Variants in APC observed in about 807,000 individuals in gnomAD.
APC encodes the protein adenomatous polyposis coli protein.
In APC, 72 loss-of-function variants were observed where a neutral mutation model predicts 247.0. That is an observed-to-expected ratio of 0.29 (90% CI 0.24 to 0.35). The LOEUF (loss-of-function observed/expected upper bound fraction) is 0.35. Among genes scored for constraint, APC ranks in the 10% least tolerant of loss-of-function variants. The pLI, the probability that APC is intolerant of heterozygous loss-of-function variation, is 1.00. For synonymous variants in APC, 1,254 were observed against 1,162.5 expected (o/e 1.08, Z -1.60); for missense variants, 3,400 against 3,360.7 (o/e 1.01, Z -0.29).
intron 14 of APC, among the ~76,000 whole-genome samples, chr5:112,831,324 G>C (rs1487944163): frequency 6.6e-6 from 1 of 152,094 alleles, no homozygotes; most frequent in Non-Finnish European, 1.5e-5. Flanking sequence ...GGCCAGGATG[G>C]TCTTCATCTC....
At chr5:112,827,788 A>T in intron 12 of APC, 141 bp from the exon 13 acceptor site, 1 of 699,380 alleles carries the variant, frequency 1.4e-6, no homozygotes, top group Non-Finnish European at 2.5e-6. Flanking sequence ...AGGTAATCTT[A>T]TTCTAGATTT....
chr5:112,781,064 A>G lies in APC; in HGVS notation c.645+161A>G, dbSNP rs540883294. On this transcript the variant is annotated intron_variant, in intron 6 of 15. Transcript: ENST00000257430. ...TTTATCATGGCTGCTGAGCAACATA[A>G]TCAATATTCACATAGTTGTGTCTTT... Among the ~76,000 whole-genome samples the G allele has an allele frequency of 4.6e-5, 7 of 152,328 alleles. No individual in the cohort carries two copies. The South Asian group carries it at 1.2e-3, about 27-fold the overall frequency.
chr5:112,774,205 T>C (rs113134288), intron 4 of APC, among the ~76,000 whole-genome samples: 113 of 152,304 alleles, frequency 7.4e-4, no homozygotes, highest in African/African-American at 2.5e-3. Flanking sequence ...TAGGGAATTC[T>C]TGGAATATTA....
chr5:112,819,448 G>T (rs375342838), intron 10 of APC, 104 bp downstream of exon 10: 1 of 1,437,850 alleles, frequency 7.0e-7, no homozygotes, highest in Non-Finnish European at 9.7e-7. Flanking sequence ...TGACTAAGAG[G>T]AGAAAATTCA....
chr5:112,788,378 A>T (rs551384403), intron 6 of APC, among the ~76,000 whole-genome samples: 31 of 152,278 alleles, frequency 2.0e-4, no homozygotes, highest in African/African-American at 6.0e-4. Flanking sequence ...CCTTCATAAT[A>T]TTTAGTCTTG....
chr5:112,761,041 C>T (rs951535316), intron 2 of APC, among the ~76,000 whole-genome samples: 2 of 152,090 alleles, frequency 1.3e-5, no homozygotes, highest in African/African-American at 4.8e-5. Context: ...GATCTCCTGA[C>T]CTCGTGATCC....
At chr5:112,756,029 T>G (rs1375770200) in intron 2 of APC, among the ~76,000 whole-genome samples, 1 of 152,190 alleles carries the variant, frequency 6.6e-6, no homozygotes, top group Admixed American at 6.5e-5. Flanking sequence ...TTTTAACATT[T>G]GAGTTCCTGG....
At chr5:112,734,782 T>C (rs1268900967), upstream of APC, among the ~76,000 whole-genome samples, 1 of 117,126 alleles carries the variant, frequency 8.5e-6, no homozygotes, top group African/African-American at 2.6e-5. Context: ...TTTTCTTGTG[T>C]GTGTGTGTGT....
intron 11 of APC, among the ~76,000 whole-genome samples, chr5:112,822,280 T>C (rs1763226862): frequency 1.3e-5 from 2 of 152,160 alleles, no homozygotes; most frequent in Admixed American, 1.3e-4. Context: ...TCTTTGTCCC[T>C]TTTGCCAAAG....
At chr5:112,778,419 T>C (rs1428365417) in intron 5 of APC, 2 of 151,170 alleles carry the variant, frequency 1.3e-5, no homozygotes, top group Non-Finnish European at 2.9e-5. Context: ...GAGTTTAGCA[T>C]GGCCCTTGCT....
At chr5:112,720,839 A>T (rs1045407191) in intron 1 of APC, among the ~76,000 whole-genome samples, 18 of 152,194 alleles carry the variant, frequency 1.2e-4, no homozygotes, top group Non-Finnish European at 1.5e-5. Flanking sequence ...CTCTATAATA[A>T]GCTGCTCTGG....
At position 112,835,166 on chromosome 5, in the gene APC, G is replaced by GTA. The variant is rs780148667; in HGVS notation, c.1958+8_1958+9dup. The stretch of plus-strand genomic sequence containing the variant: ...TGATAGCTACAAATGAGGACCACAG[G>GTA]TATATATAGAGTTTTATATTACTTT... On this transcript the variant is annotated splice_donor_variant, in intron 15 of 15. Coordinates refer to ENST00000257430, the MANE Select transcript of APC (RefSeq NM_000038.6). LOFTEE classifies it high-confidence loss of function. 1 of 1,610,704 alleles carries GTA rather than the reference G, an allele frequency of 6.2e-7. No homozygotes were observed. The highest frequency in any genetic ancestry group is 1.7e-5 in the Admixed American group (1 of 59,896).
intron 1 of APC, among the ~76,000 whole-genome samples, chr5:112,732,369 G>GA (rs1189003196): frequency 6.6e-6 from 1 of 152,146 alleles, no homozygotes; most frequent in Non-Finnish European, 1.5e-5. Flanking sequence ...AAGCTCCTCG[G>GA]AGTACTAAAG....
At position 112,794,616 on chromosome 5, in the gene APC, C is replaced by T. The variant is rs372224275; in HGVS notation, c.729+2087C>T. Among the ~76,000 whole-genome samples the T allele has an allele frequency of 1.4e-3, 211 of 152,274 alleles. 3 individuals are homozygous for T. Among genetic ancestry groups the T allele is most frequent in the African/African-American group, 4.9e-3 (205 of 41,544 alleles). Reference sequence around the variant, plus strand: ...GCCAAGCTGTCTATAAATTCCACCCCGTGTGCGTGTGCTGTGGTACCATTC... The same window carrying T: ...GCCAAGCTGTCTATAAATTCCACCCTGTGTGCGTGTGCTGTGGTACCATTC... On this transcript the variant is annotated intron_variant, in intron 7 of 15. Transcript: ENST00000257430.
chr5:112,766,495 C>T (rs1051770269), intron 3 of APC, 85 bp downstream of exon 3: 6 of 874,558 alleles, frequency 6.9e-6, no homozygotes, highest in Non-Finnish European at 1.1e-5. Context: ...CAGCTTCTCT[C>T]GATTTGGGTG....
At chr5:112,806,028 A>G (rs1202199655) in intron 8 of APC, among the ~76,000 whole-genome samples, 1 of 152,098 alleles carries the variant, frequency 6.6e-6, no homozygotes, top group Non-Finnish European at 1.5e-5. Context: ...TTCTCTCAGT[A>G]CCTCATATTT....
At chr5:112,766,781 G>C (rs1936199935) in intron 3 of APC, among the ~76,000 whole-genome samples, 1 of 152,110 alleles carries the variant, frequency 6.6e-6, no homozygotes, top group Admixed American at 6.5e-5. Flanking sequence ...ATTCAGGATA[G>C]AAATACTTTA....
At chr5:112,825,295 C>T (rs766707748) in intron 11 of APC, among the ~76,000 whole-genome samples, 1 of 152,226 alleles carries the variant, frequency 6.6e-6, no homozygotes, top group African/African-American at 2.4e-5. Context: ...TCTTACTTCT[C>T]TTCCCATTTC....
intron 1 of APC, among the ~76,000 whole-genome samples, chr5:112,751,585 T>G (rs1042393831): frequency 6.6e-6 from 1 of 151,968 alleles, no homozygotes; most frequent in African/African-American, 2.4e-5. Context: ...GTAAATGGGA[T>G]CTTTTCTTTC....
Sources: gnomAD v4.1 joint callset for allele counts (sites outside exome capture counted in the v4.1 genomes callset) on GRCh38, gnomAD v4.1.1 for gene constraint, MANE v1.5 for transcripts, NCBI Gene and HGNC (gene_info 2026-07-23, HGNC 2026-07-21) for gene names.